The following COL23A1 variants were observed in gnomAD, a reference collection of about 807,000 sequenced individuals.
The protein encoded by COL23A1 is collagen alpha-1(XXIII) chain.
In COL23A1, 97 loss-of-function variants were observed where a neutral mutation model predicts 99.3. The observed-to-expected ratio is 0.98, with a 90% CI of 0.83 to 1.16. The LOEUF is 1.16. Ranked by LOEUF, COL23A1 falls within the 50% of genes most tolerant of loss-of-function variation. COL23A1 has a pLI of 0.00. For missense variants in COL23A1, 762 were observed against 757.4 expected (o/e 1.01, Z -0.07); for synonymous variants, 320 against 308.2 (o/e 1.04, Z -0.40).
At chr5:178,358,044 A>ATGTGTT in intron 2 of COL23A1, among the ~76,000 whole-genome samples, 1 of 129,152 alleles carries the variant, frequency 7.7e-6, no homozygotes, top group East Asian at 2.4e-4. Context: ...GTGTATGTGT[A>ATGTGTT]TGTATGTCTA....
rs1176053735 is a variant in COL23A1, at chr5:178,357,968, GTATGTGTA to G, written c.362-51057_362-51050del. ...TGTGTGTATGTATATGTGTGTATGTGTATGTGTATATATGTGTGTATGCGTGTGTGTAT... is the reference window on the plus strand; with the variant it reads ...TGTGTGTATGTATATGTGTGTATGTGTATATGTGTGTATGCGTGTGTGTAT... On this transcript the variant is annotated intron_variant, in intron 2 of 28. Coordinates refer to ENST00000390654, the MANE Select transcript of COL23A1 (RefSeq NM_173465.4). Among the ~76,000 whole-genome samples the G allele has an allele frequency of 6.9e-4, 94 of 135,258 alleles. 1 individual carries two copies. The East Asian group carries it at 0.015, about 21-fold the overall frequency. The allele number at this position is 135,258 out of a possible 152,430, so 88.7% of individuals were successfully genotyped here. A position where few individuals can be genotyped will look rare whatever the true frequency, so the allele number is the denominator to read the frequency against.
At chr5:178,562,565 A>AG (rs1491579292) in intron 1 of COL23A1, 1 of 55,884 alleles carries the variant, frequency 1.8e-5, no homozygotes, top group African/African-American at 8.9e-5. Flanking sequence ...ATAAAAAAAG[A>AG]AAAAAAAAAA....
chr5:178,374,926 T>G (rs1056750941), intron 2 of COL23A1, among the ~76,000 whole-genome samples: 2 of 152,106 alleles, frequency 1.3e-5, no homozygotes, highest in Non-Finnish European at 2.9e-5. Context: ...CATAATCAAG[T>G]AGCCAAAGAG....
At chr5:178,419,291 C>T (rs1022932491) in intron 2 of COL23A1, among the ~76,000 whole-genome samples, 10 of 152,168 alleles carry the variant, frequency 6.6e-5, no homozygotes, top group African/African-American at 2.2e-4. Context: ...ATTGGTCTAA[C>T]GTTAAGCCGA....
chr5:178,562,721 GC>G (rs1226811499), intron 1 of COL23A1: 1 of 139,956 alleles, frequency 7.1e-6, no homozygotes, highest in African/African-American at 2.8e-5. Context: ...GCAGGTTGCT[GC>G]CGCTGGCTGG....
At chr5:178,418,415 T>C (rs17081201) in intron 2 of COL23A1, among the ~76,000 whole-genome samples, 11,204 of 152,266 alleles carry the variant, frequency 0.074, 652 homozygotes, top group East Asian at 0.25. Flanking sequence ...CCAGCTTTCC[T>C]GGAGAGATCC....
chr5:178,331,238 C>T (rs941943135), intron 2 of COL23A1, among the ~76,000 whole-genome samples: 1 of 152,208 alleles, frequency 6.6e-6, no homozygotes, highest in Admixed American at 6.5e-5. Flanking sequence ...AAAGGAACCT[C>T]CTGGAAGGCA....
intron 2 of COL23A1, among the ~76,000 whole-genome samples, chr5:178,327,311 GAC>G (rs919831575): frequency 5.9e-5 from 9 of 152,196 alleles, no homozygotes; most frequent in Non-Finnish European, 8.8e-5. Context: ...CGCTATTAGA[GAC>G]ACGTGCAGGT....
At chr5:178,417,954 C>T (rs575527209) in intron 2 of COL23A1, among the ~76,000 whole-genome samples, 35 of 152,348 alleles carry the variant, frequency 2.3e-4, no homozygotes, top group Non-Finnish European at 4.7e-4. Context: ...CAGTCCTGGG[C>T]CTCTCTGTCA....
intron 2 of COL23A1, among the ~76,000 whole-genome samples, chr5:178,498,230 AT>A (rs1269082007): frequency 0.13 from 9,624 of 72,868 alleles, 1,765 homozygotes; most frequent in East Asian, 0.55. Flanking sequence ...ATATATATAT[AT>A]ATATATATAT....
chr5:178,421,536 C>T (rs751819843), intron 2 of COL23A1, among the ~76,000 whole-genome samples: 8 of 152,146 alleles, frequency 5.3e-5, no homozygotes, highest in Non-Finnish European at 1.0e-4. Flanking sequence ...AAGGCCCTGC[C>T]CACTGCCATT....
rs138297806 is a variant in COL23A1 at position 178,254,752 on chromosome 5, T to C, written c.960+197A>G. Among the ~76,000 whole-genome samples the C allele has an allele frequency of 1.1e-3, 174 of 152,256 alleles. No individual in the cohort carries two copies. Among genetic ancestry groups the C allele is most frequent in the African/African-American group, 3.9e-3 (164 of 41,564 alleles). On this transcript the variant is annotated intron_variant, in intron 16 of 28. Transcript: ENST00000390654. ...GGAGCTCGGGGCCACGTGGGCCACA[T>C]TCACAGGGGCTCTCTGAGGCGGGTC...
intron 1 of COL23A1, among the ~76,000 whole-genome samples, chr5:178,582,521 C>T (rs892400755): frequency 6.6e-6 from 1 of 152,162 alleles, no homozygotes; most frequent in African/African-American, 2.4e-5. Flanking sequence ...ATCACATCCA[C>T]ACTTCGCGAG....
Position 178,275,775 on chromosome 5 carries a change from C to T in COL23A1, c.442-5412G>A, listed in dbSNP as rs186633387. 1.2e-4 allele frequency among the ~76,000 whole-genome samples: 19 copies of T among 152,298 alleles called. No homozygotes were observed. In the East Asian group the frequency reaches 3.1e-3, roughly 25 times the overall value. On this transcript the variant is annotated intron_variant, in intron 5 of 28. Transcript: ENST00000390654. ...AAGTCAGCTGGTCGGAAGGATCCCA[C>T]GGGAGCTGATTCACCGGAGTGCGGT...
intron 2 of COL23A1, among the ~76,000 whole-genome samples, chr5:178,419,117 A>G (rs932586410): frequency 6.6e-6 from 1 of 152,158 alleles, no homozygotes; most frequent in Non-Finnish European, 1.5e-5. Context: ...ACTCGCTTTT[A>G]AGGTGAGGGG....
intron 2 of COL23A1, among the ~76,000 whole-genome samples, chr5:178,527,789 T>C (rs1020148766): frequency 1.3e-5 from 2 of 152,242 alleles, no homozygotes; most frequent in African/African-American, 4.8e-5. Context: ...GCCTGGATAC[T>C]GGAAACCTGG....
At chr5:178,513,527 C>T (rs1480663345) in intron 2 of COL23A1, among the ~76,000 whole-genome samples, 1 of 152,122 alleles carries the variant, frequency 6.6e-6, no homozygotes, top group Non-Finnish European at 1.5e-5. Flanking sequence ...TGTAGGCAGG[C>T]TATGTTTCTT....
chr5:178,329,011 A>G (rs1759855756), intron 2 of COL23A1, among the ~76,000 whole-genome samples: 1 of 152,188 alleles, frequency 6.6e-6, no homozygotes, highest in Non-Finnish European at 1.5e-5. Context: ...GGGGTGCTGG[A>G]TCAGACCTCA....
chr5:178,573,292 G>A (rs1441028494), intron 1 of COL23A1, among the ~76,000 whole-genome samples: 1 of 152,214 alleles, frequency 6.6e-6, no homozygotes, highest in African/African-American at 2.4e-5. Context: ...TGTGTCCTGG[G>A]TACAGAAGGC....
Sources: allele counts gnomAD v4.1 joint callset (sites outside exome capture counted in the v4.1 genomes callset), GRCh38; gene constraint gnomAD v4.1.1; transcripts MANE v1.5; gene names NCBI Gene and HGNC (gene_info 2026-07-23, HGNC 2026-07-21).